The following PSMD6 variants were observed in gnomAD, a reference collection of about 807,000 sequenced individuals.
The protein encoded by PSMD6 is 26S proteasome non-ATPase regulatory subunit 6.
In PSMD6, 7 loss-of-function variants were observed where a neutral mutation model predicts 44.9. That is an observed-to-expected ratio of 0.16 (90% CI 0.09 to 0.29). The LOEUF (loss-of-function observed/expected upper bound fraction) is 0.29, where lower values mean the gene tolerates loss of function less well. Ranked by LOEUF, PSMD6 falls within the 10% of genes least tolerant of loss-of-function variation. PSMD6 has a pLI of 1.00. For missense variants in PSMD6, 420 were observed against 482.6 expected (o/e 0.87, Z 1.21); for synonymous variants, 184 against 172.7 (o/e 1.07, Z -0.51).
At position 64,023,352 on chromosome 3, in the gene PSMD6, C is replaced by T. The variant is rs780749466; in HGVS notation, c.68G>A (p.Arg23His). Residue 23 changes from arginine to histidine, a missense_variant, in exon 1 of 8, where the codon CGC (arginine) becomes CAC (histidine). Around this residue, in one of 4 missense-constraint regions of PSMD6, gnomAD observed 136 missense variants for 124.2 expected, o/e 1.09. Coordinates refer to ENST00000295901, the MANE Select transcript of PSMD6 (RefSeq NM_014814.3). ...GTGCTCGGGCAGGCTGAGCAGGAAG[C>T]GCAGCTGCGCGATACGCAAGTCGGG... The part of the protein sequence containing the change: ...KNPDLRIAQL[R>H]FLLSLPEHRG... The T allele has an allele frequency of 4.3e-6, 7 of 1,610,708 alleles. No homozygotes were observed. Among genetic ancestry groups the T allele is most frequent in the African/African-American group, 4.0e-5 (3 of 74,854 alleles).
At chr3:64,023,537 TCTCCGC>T, upstream of PSMD6, 2 of 1,399,950 alleles carry the variant, frequency 1.4e-6, no homozygotes, top group Non-Finnish European at 1.9e-6. Context: ...TCCGGTCCCG[TCTCCGC>T]CGGCAGCGTC....
chr3:64,023,237 G>A (rs1370632228), intron 1 of PSMD6, 38 bp downstream of exon 1: 18 of 1,540,294 alleles, frequency 1.2e-5, no homozygotes, highest in Non-Finnish European at 1.5e-5. Context: ...GGACGGCCCA[G>A]GCCTAGGCCG....
chr3:64,023,685 ATTTCTTGAATCTC>A (rs756572341), upstream of PSMD6: 215 of 1,471,086 alleles, frequency 1.5e-4, no homozygotes, highest in African/African-American at 6.9e-4. Context: ...CAAAAGCCCA[ATTTCTTGAATCTC>A]TTTCTCACTC....
chr3:64,023,046 C>T, intron 1 of PSMD6: 4 of 1,429,070 alleles, frequency 2.8e-6, no homozygotes, highest in Non-Finnish European at 3.6e-6. Context: ...CCAAGCTGCC[C>T]TTACAGGGGA....
At position 64,018,484 on chromosome 3, in the gene PSMD6, C is replaced by G. The variant is rs2076082073; in HGVS notation, c.826+115G>C. On this transcript the variant is annotated intron_variant, in intron 5 of 7. Coordinates refer to ENST00000295901, the MANE Select transcript of PSMD6 (RefSeq NM_014814.3). ...ATTAGGAATACTGATCAAAGACATGCAGCTACCTACACACTACATTTCTCA... is the reference window on the plus strand; with the variant it reads ...ATTAGGAATACTGATCAAAGACATGGAGCTACCTACACACTACATTTCTCA... 30 of 725,802 alleles carry G rather than the reference C, an allele frequency of 4.1e-5. No homozygotes were observed. The South Asian group carries it at 6.0e-4, about 14-fold the overall frequency. 45.0% of individuals were successfully genotyped at this position (725,802 alleles called of 1,614,324 possible).
At chr3:64,013,344 G>A in intron 6 of PSMD6, 95 bp downstream of exon 6, 1 of 1,271,454 alleles carries the variant, frequency 7.9e-7, no homozygotes, top group East Asian at 2.5e-5. Flanking sequence ...TTAAGATTGA[G>A]GGAACCAATG....
In PSMD6 at chr3:64,022,345, G is replaced by A. The variant is rs776191668; in HGVS notation, c.324C>T (p.Ala108=). ...TGTCACCTATCCGGCAGAGGTACTC[G>A]GCCTTTGCCATCATTGCATCGCGAA... is the stretch of plus-strand genomic sequence containing the variant. ...SEIRDAMMAK[A]EYLCRIGDKE... is the part of the protein sequence containing the mutation. Residue 108 remains alanine, a synonymous_variant, in exon 2 of 8, where the codon GCC becomes GCT. Coordinates refer to ENST00000295901, the MANE Select transcript of PSMD6 (RefSeq NM_014814.3). The A allele has an allele frequency of 9.9e-6, 16 of 1,614,042 alleles. No individual in the cohort carries two copies. Among genetic ancestry groups the A allele is most frequent in the Non-Finnish European group, 1.7e-6 (2 of 1,180,038 alleles).
At chr3:64,015,697 C>T (rs2076032363) in intron 5 of PSMD6, 1 of 152,188 alleles carries the variant, frequency 6.6e-6, no homozygotes, top group African/African-American at 2.4e-5. Flanking sequence ...GTTACATGCT[C>T]TTATCTCTGG....
rs189364659 is a variant in PSMD6 at position 64,020,730 on chromosome 3, C to A, written c.352-1289G>T. Among the ~76,000 whole-genome samples, 737 of 152,256 alleles carry A rather than the reference C, an allele frequency of 4.8e-3. 7 individuals carry two copies. The highest frequency in any genetic ancestry group is 6.5e-3 in the Non-Finnish European group (441 of 68,010). On this transcript the variant is annotated intron_variant, in intron 2 of 7. Transcript: ENST00000295901. Reference sequence around the variant, plus strand: ...GTCTAAGCTTTTTCCTATCCTTAATCCACATTAAGTAAAAACTATCAGTAC... The same window carrying A: ...GTCTAAGCTTTTTCCTATCCTTAATACACATTAAGTAAAAACTATCAGTAC...
upstream of PSMD6, chr3:64,023,604 CCT>C (rs2076170690): frequency 5.7e-6 from 8 of 1,415,846 alleles, no homozygotes; most frequent in Non-Finnish European, 7.4e-6. Flanking sequence ...CGCCTGCGCC[CCT>C]GTGTGGTCAC....
chr3:64,015,504 AACACT>A (rs1174280584), intron 5 of PSMD6: 2 of 152,234 alleles, frequency 1.3e-5, no homozygotes, highest in Non-Finnish European at 2.9e-5. Context: ...AGCTCCTAGG[AACACT>A]ACCTGTTCAA....
At chr3:64,021,072 A>G (rs960542612) in intron 2 of PSMD6, among the ~76,000 whole-genome samples, 2 of 152,200 alleles carry the variant, frequency 1.3e-5, no homozygotes, top group Admixed American at 6.5e-5. Context: ...TTTAAAAAAA[A>G]GAAGAAAAAA....
intron 2 of PSMD6, among the ~76,000 whole-genome samples, 193 bp downstream of exon 2, chr3:64,022,125 T>G (rs1040226066): frequency 1.3e-5 from 2 of 152,204 alleles, no homozygotes; most frequent in Admixed American, 1.3e-4. Context: ...TAGCTGCTGT[T>G]TGGGGAAATG....
At position 64,010,956 on chromosome 3, in the gene PSMD6, C is replaced by CTAAT. The variant is rs1427622888; in HGVS notation, c.996-5_996-2dup. ...GGCAGCAATAAACCTGGACAGTTCC[C>CTAAT]TAATTTAGAGACAAAAAATAACAGA... On this transcript the variant is annotated splice_acceptor_variant, in intron 6 of 7. Transcript: ENST00000295901. LOFTEE classifies it high-confidence loss of function. 1 of 1,586,184 alleles carries CTAAT rather than the reference C, an allele frequency of 6.3e-7. No individual in the cohort carries two copies. Among genetic ancestry groups the CTAAT allele is most frequent in the Admixed American group, 1.8e-5 (1 of 55,522 alleles).
chr3:64,016,205 A>AT lies in PSMD6; in HGVS notation c.826+2393dup, dbSNP rs1313867690. On this transcript the variant is annotated intron_variant, in intron 5 of 7. Coordinates refer to ENST00000295901, the MANE Select transcript of PSMD6 (RefSeq NM_014814.3). ...CTGTCTCAAATAAATAAATAAATAA[A>AT]TAAATAAAAGGTCTACAAGGATATA... 2.6e-5 allele frequency: 4 copies of AT among 152,068 alleles called. No homozygotes were observed. The East Asian group carries it at 5.8e-4, about 22-fold the overall frequency. The allele number at this position is 152,068 out of a possible 1,614,324, so 9.4% of individuals were successfully genotyped here.
intron 5 of PSMD6, chr3:64,014,699 T>C (rs1355742622): frequency 6.6e-6 from 1 of 152,030 alleles, no homozygotes; most frequent in African/African-American, 2.4e-5. Flanking sequence ...GTTTTTAGTG[T>C]TGGGGGTGAG....
chr3:64,011,392 C>CT (rs200330071), intron 6 of PSMD6: 1,605 of 152,780 alleles, frequency 0.011, 18 homozygotes, highest in Middle Eastern at 0.034. Flanking sequence ...CTTTCCCTCT[C>CT]TAACATATCT....
At chr3:64,015,110 C>G (rs1318025690) in intron 5 of PSMD6, 1 of 152,166 alleles carries the variant, frequency 6.6e-6, no homozygotes, top group Admixed American at 6.5e-5. Flanking sequence ...GGTGCGTATT[C>G]TCACTAATAA....
At position 64,023,035 on chromosome 3, in the gene PSMD6, C is replaced by T. The variant is rs949042534; in HGVS notation, c.145+240G>A. 1.4e-5 allele frequency: 20 copies of T among 1,427,620 alleles called. No homozygotes were observed. The African/African-American group carries it at 1.4e-4, about 10-fold the overall frequency. 88.4% of individuals were successfully genotyped at this position (1,427,620 alleles called of 1,614,324 possible). On this transcript the variant is annotated intron_variant, in intron 1 of 7. Coordinates refer to ENST00000295901, the MANE Select transcript of PSMD6 (RefSeq NM_014814.3). ...AAATATTAATGCCTCACGATTCTCC[C>T]CCAAGCTGCCCTTACAGGGGAAGGC...
Sources: allele counts gnomAD v4.1 joint callset (sites outside exome capture counted in the v4.1 genomes callset), GRCh38; gene constraint gnomAD v4.1.1; regional missense constraint gnomAD v4.1.1; transcripts MANE v1.5; gene names NCBI Gene and HGNC (gene_info 2026-07-23, HGNC 2026-07-21).